The following ANKRD31 variants were observed in gnomAD, a reference collection of about 807,000 sequenced individuals.
ANKRD31 encodes the protein ankyrin repeat domain-containing protein 31.
In ANKRD31, 147 loss-of-function variants were observed where a neutral mutation model predicts 186.0. The ratio of observed to expected loss-of-function variants is 0.79; its 90% CI spans 0.69 to 0.91. The LOEUF (loss-of-function observed/expected upper bound fraction) is 0.91, where lower values mean the gene tolerates loss of function less well. ANKRD31 is among the 40% of genes least tolerant of loss of function. The probability of loss-of-function intolerance (pLI) is 0.00; values close to 1 mark genes in which losing one functional copy is unlikely to be tolerated. For synonymous variants in ANKRD31, 673 were observed against 736.4 expected (o/e 0.91, Z 1.39); for missense variants, 1,986 against 2,148.8 (o/e 0.92, Z 1.50).
intron 25 of ANKRD31, among the ~76,000 whole-genome samples, chr5:75,076,989 T>C (rs1002476669): frequency 6.6e-6 from 1 of 152,220 alleles, no homozygotes; most frequent in Non-Finnish European, 1.5e-5. Context: ...ATTATTGTTA[T>C]TTTAATATAA....
chr5:75,117,926 G>A (rs1044821936), intron 18 of ANKRD31, among the ~76,000 whole-genome samples: 2 of 152,074 alleles, frequency 1.3e-5, no homozygotes, highest in Non-Finnish European at 2.9e-5. Flanking sequence ...ATTTCAACAT[G>A]TAACTCCAAT....
At chr5:75,102,550 A>C (rs1325067179) in intron 22 of ANKRD31, among the ~76,000 whole-genome samples, 1 of 152,228 alleles carries the variant, frequency 6.6e-6, no homozygotes, top group African/African-American at 2.4e-5. Flanking sequence ...CAGAGGCATG[A>C]AGGCCTCCTT....
chr5:75,197,957 G>A (rs1755577544), intron 6 of ANKRD31, among the ~76,000 whole-genome samples: 1 of 152,152 alleles, frequency 6.6e-6, no homozygotes, highest in African/African-American at 2.4e-5. Flanking sequence ...TGCAAGTCAT[G>A]TAACGCAGCC....
At chr5:75,211,975 A>T (rs1368830009) in intron 3 of ANKRD31, among the ~76,000 whole-genome samples, 1 of 151,898 alleles carries the variant, frequency 6.6e-6, no homozygotes, top group Non-Finnish European at 1.5e-5. Flanking sequence ...AAAGTTTTTA[A>T]TTTTCATGTA....
At chr5:75,113,140 TGAGA>T (rs1338676594) in intron 19 of ANKRD31, among the ~76,000 whole-genome samples, 1 of 152,084 alleles carries the variant, frequency 6.6e-6, no homozygotes. Context: ...TCTTTCCCTA[TGAGA>T]GAGAGAATCG....
chr5:75,211,645 G>T (rs1756657047), intron 3 of ANKRD31, among the ~76,000 whole-genome samples: 1 of 152,036 alleles, frequency 6.6e-6, no homozygotes, highest in Non-Finnish European at 1.5e-5. Context: ...CTACATTCTT[G>T]CCAACACTTG....
rs371838924 is a variant in ANKRD31, at chr5:75,169,509, C to G, written c.1565-388G>C. Among the ~76,000 whole-genome samples, 12 of 152,206 alleles carry G rather than the reference C, an allele frequency of 7.9e-5. No individual in the cohort carries two copies. In the South Asian group the frequency reaches 2.5e-3, roughly 32 times the overall value. On this transcript the variant is annotated intron_variant, in intron 10 of 25. Transcript: ENST00000506364. The stretch of plus-strand genomic sequence containing the variant: ...GTTCAAGGTACTTCCATTAAAGTAT[C>G]CAGCTGGCTGGACTACATATCACTC...
chr5:75,200,571 TACAGGTGTGAGCCACC>T (rs1345782128), intron 5 of ANKRD31, among the ~76,000 whole-genome samples: 1 of 150,834 alleles, frequency 6.6e-6, no homozygotes, highest in Non-Finnish European at 1.5e-5. Context: ...GTGCTAGGAT[TACAGGTGTGAGCCACC>T]ACACCCAGCC....
chr5:75,201,831 G>T (rs961007576), intron 5 of ANKRD31, among the ~76,000 whole-genome samples: 2 of 152,098 alleles, frequency 1.3e-5, no homozygotes, highest in African/African-American at 2.4e-5. Context: ...TTTATAATCT[G>T]CTCTGTCTGA....
chr5:75,073,744 T>A (rs919702154), intron 25 of ANKRD31, among the ~76,000 whole-genome samples: 17 of 152,246 alleles, frequency 1.1e-4, no homozygotes, highest in African/African-American at 3.6e-4. Flanking sequence ...AAAGTGTTAG[T>A]CAATAATACT....
intron 1 of ANKRD31, among the ~76,000 whole-genome samples, chr5:75,234,340 G>T (rs763900385): frequency 1.3e-5 from 2 of 152,152 alleles, no homozygotes; most frequent in African/African-American, 4.8e-5. Flanking sequence ...TTCCTGAATA[G>T]ACAATATATT....
chr5:75,178,919 C>A (rs182460786), intron 10 of ANKRD31, among the ~76,000 whole-genome samples: 116 of 152,228 alleles, frequency 7.6e-4, no homozygotes, highest in African/African-American at 2.7e-3. Flanking sequence ...ACACAAAAAA[C>A]GCTTCAAAAA....
chr5:75,169,461 A>G (rs919243217), intron 10 of ANKRD31, among the ~76,000 whole-genome samples: 4 of 152,190 alleles, frequency 2.6e-5, no homozygotes, highest in African/African-American at 9.6e-5. Context: ...TGCAGAGATG[A>G]GGGGAGAAAA....
intron 19 of ANKRD31, 38 bp from the exon 20 acceptor site, chr5:75,112,638 G>T: frequency 7.8e-7 from 1 of 1,285,440 alleles, no homozygotes; most frequent in Non-Finnish European, 1.1e-6. Flanking sequence ...ATTATAAAGG[G>T]GTAGATATGC....
At chr5:75,198,428 G>A (rs961702095) in intron 6 of ANKRD31, among the ~76,000 whole-genome samples, 4 of 152,160 alleles carry the variant, frequency 2.6e-5, no homozygotes, top group Admixed American at 6.6e-5. Context: ...TGGAGGCAGT[G>A]GAGGGCTTTC....
At chr5:75,119,797 C>T (rs531888508) in intron 17 of ANKRD31, among the ~76,000 whole-genome samples, 10 of 152,156 alleles carry the variant, frequency 6.6e-5, no homozygotes, top group East Asian at 3.9e-4. Context: ...CTGACTGGTG[C>T]GAGATGATAT....
At chr5:75,188,701 G>T in intron 9 of ANKRD31, 53 bp from the exon 10 acceptor site, 2 of 1,422,832 alleles carry the variant, frequency 1.4e-6, no homozygotes, top group Middle Eastern at 2.4e-4. Flanking sequence ...ATATCAGAAG[G>T]AATACGGATT....
At chr5:75,109,479 G>C (rs982043890) in intron 20 of ANKRD31, among the ~76,000 whole-genome samples, 2 of 152,180 alleles carry the variant, frequency 1.3e-5, no homozygotes, top group Non-Finnish European at 2.9e-5. Flanking sequence ...GTGGGAATCT[G>C]CATATTCAGC....
intron 3 of ANKRD31, among the ~76,000 whole-genome samples, chr5:75,216,672 T>G (rs1756980902): frequency 6.6e-6 from 1 of 152,120 alleles, no homozygotes; most frequent in African/African-American, 2.4e-5. Flanking sequence ...AAGTAGACCT[T>G]CACATTAACT....
Sources: allele counts gnomAD v4.1 joint callset (sites outside exome capture counted in the v4.1 genomes callset), GRCh38; gene constraint gnomAD v4.1.1; transcripts MANE v1.5; gene names NCBI Gene and HGNC (gene_info 2026-07-23, HGNC 2026-07-21).